The following CSMD1 variants were observed in gnomAD, a reference collection of about 807,000 sequenced individuals.
CSMD1 encodes the protein CUB and sushi domain-containing protein 1.
In CSMD1, 213 loss-of-function variants were observed where a neutral mutation model predicts 417.5. The observed-to-expected ratio is 0.51, with a 90% CI of 0.46 to 0.57. CSMD1 has a LOEUF of 0.57. CSMD1 is among the 20% of genes least tolerant of loss of function. The pLI is 0.00. For missense variants in CSMD1, 6,923 were observed against 4,529.7 expected (o/e 1.53, Z -15.17); for synonymous variants, 2,862 against 1,736.8 (o/e 1.65, Z -16.11).
At chr8:3,511,585 C>T (rs368049805) in intron 10 of CSMD1, among the ~76,000 whole-genome samples, 1 of 151,304 alleles carries the variant, frequency 6.6e-6, no homozygotes, top group East Asian at 1.9e-4. Flanking sequence ...TGAAACCCCT[C>T]TCTACTAAAA....
intron 5 of CSMD1, among the ~76,000 whole-genome samples, chr8:3,897,793 G>T (rs1389711549): frequency 1.3e-5 from 2 of 152,082 alleles, no homozygotes; most frequent in African/African-American, 2.4e-5. Flanking sequence ...GCCCAGATGG[G>T]CTATTTGCTT....
chr8:4,275,826 G>C (rs1034487583), intron 3 of CSMD1, among the ~76,000 whole-genome samples: 7 of 152,138 alleles, frequency 4.6e-5, no homozygotes, highest in African/African-American at 1.4e-4. Flanking sequence ...ACTAATGAAA[G>C]TGATATTGTT....
At chr8:4,410,147 G>C (rs1453789685) in intron 3 of CSMD1, among the ~76,000 whole-genome samples, 1 of 152,110 alleles carries the variant, frequency 6.6e-6, no homozygotes, top group Non-Finnish European at 1.5e-5. Context: ...CATCTTCTAG[G>C]CTAATCTAGG....
chr8:4,335,800 C>T (rs188833280), intron 3 of CSMD1, among the ~76,000 whole-genome samples: 1 of 152,022 alleles, frequency 6.6e-6, no homozygotes, highest in Non-Finnish European at 1.5e-5. Context: ...TACCTGTGAT[C>T]CCATGGAAGA....
chr8:4,032,030 T>G lies in CSMD1; in HGVS notation c.485A>C (p.Asn162Thr). Residue 162 changes from asparagine to threonine, a missense_variant, in exon 4 of 70, where the codon AAC (asparagine) becomes ACC (threonine). Asn to Thr is a moderately conservative substitution (Grantham distance 65). Coordinates refer to ENST00000635120, the MANE Select transcript of CSMD1 (RefSeq NM_033225.6). ...LKGVLHGTRF[N>T]IGDKIRYSCL... ...GCTGTACCGGATTTTGTCTCCTATG[T>G]TGAATCTCGTTCCATGCAGAACTCC... The G allele has an allele frequency of 6.2e-7, 1 of 1,614,002 alleles. No individual in the cohort carries two copies. The highest frequency in any genetic ancestry group is 1.7e-5 in the Admixed American group (1 of 60,026).
chr8:3,967,737 C>T (rs182077432), intron 5 of CSMD1, among the ~76,000 whole-genome samples: 31 of 152,116 alleles, frequency 2.0e-4, no homozygotes, highest in Admixed American at 1.8e-3. Flanking sequence ...CCAACAAAGG[C>T]CAAGAAGAAA....
intron 1 of CSMD1, among the ~76,000 whole-genome samples, chr8:4,976,168 A>G (rs1229942626): frequency 6.6e-6 from 1 of 152,196 alleles, no homozygotes; most frequent in African/African-American, 2.4e-5. Context: ...GGGAGCAGAG[A>G]GACAAGGGCT....
At chr8:4,892,879 G>C (rs1250535459) in intron 1 of CSMD1, among the ~76,000 whole-genome samples, 1 of 152,068 alleles carries the variant, frequency 6.6e-6, no homozygotes, top group East Asian at 1.9e-4. Flanking sequence ...AGAGGCATTA[G>C]ACTGTTTTCC....
In CSMD1 at chr8:4,319,744, G is replaced by T. The variant is rs563789695; in HGVS notation, c.415+100209C>A. On this transcript the variant is annotated intron_variant, in intron 3 of 69. Transcript: ENST00000635120. ...GGAAAAAGAACTGAGACTTGCCGGG[G>T]GGCCAAAGGCTGCTAGAGTTGCCGG... is the stretch of plus-strand genomic sequence containing the variant. 1.4e-3 allele frequency among the ~76,000 whole-genome samples: 207 copies of T among 152,164 alleles called. 2 individuals carry two copies. The highest frequency in any genetic ancestry group is 4.8e-3 in the African/African-American group (198 of 41,528).
chr8:4,074,586 A>C (rs1262444151), intron 3 of CSMD1, among the ~76,000 whole-genome samples: 2 of 152,154 alleles, frequency 1.3e-5, no homozygotes, highest in Non-Finnish European at 2.9e-5. Context: ...AAATTATTCT[A>C]CCACAAATCA....
intron 16 of CSMD1, among the ~76,000 whole-genome samples, chr8:3,397,963 T>C (rs1223786187): frequency 6.6e-6 from 1 of 152,204 alleles, no homozygotes. Context: ...AAGAGCTGTG[T>C]ACTATGTCTA....
intron 1 of CSMD1, among the ~76,000 whole-genome samples, chr8:4,901,818 G>T (rs1469144206): frequency 2.0e-5 from 3 of 152,016 alleles, no homozygotes; most frequent in Admixed American, 6.6e-5. Flanking sequence ...TATTCTCAAA[G>T]AAATAAGATA....
intron 12 of CSMD1, among the ~76,000 whole-genome samples, chr8:3,434,367 T>A (rs1359427874): frequency 2.0e-5 from 3 of 152,328 alleles, no homozygotes; most frequent in Non-Finnish European, 1.5e-5. Flanking sequence ...GGTGATTTTA[T>A]GACTTTTCCA....
intron 20 of CSMD1, among the ~76,000 whole-genome samples, chr8:3,366,210 G>A (rs1218692103): frequency 2.0e-5 from 3 of 152,192 alleles, no homozygotes; most frequent in Non-Finnish European, 2.9e-5. Flanking sequence ...TCCTTTGGCA[G>A]CTGTAGTGCA....
intron 1 of CSMD1, among the ~76,000 whole-genome samples, chr8:4,868,015 C>T (rs565417704): frequency 6.6e-6 from 1 of 152,060 alleles, no homozygotes; most frequent in Admixed American, 6.5e-5. Context: ...CTGCTAAATG[C>T]GGAAATGGCT....
At chr8:3,250,243 GT>G (rs1191496828) in intron 26 of CSMD1, among the ~76,000 whole-genome samples, 1 of 152,084 alleles carries the variant, frequency 6.6e-6, no homozygotes, top group Non-Finnish European at 1.5e-5. Flanking sequence ...AGTGTGTGAT[GT>G]TTCCCTTCCT....
rs138855163 is a variant in CSMD1, at chr8:4,433,361, C to A, written c.303-13296G>T. Among the ~76,000 whole-genome samples, 492 of 152,226 alleles carry A rather than the reference C, an allele frequency of 3.2e-3. 3 individuals are homozygous for A. The highest frequency in any genetic ancestry group is 0.011 in the African/African-American group (463 of 41,530). On this transcript the variant is annotated intron_variant, in intron 2 of 69. Transcript: ENST00000635120. The stretch of plus-strand genomic sequence containing the variant: ...TTGGGGACTGCTATTATATACAACT[C>A]ATAATATCATGGACATGACATCATT...
intron 5 of CSMD1, among the ~76,000 whole-genome samples, chr8:3,851,938 T>C (rs1374380771): frequency 6.6e-6 from 1 of 151,936 alleles, no homozygotes; most frequent in Non-Finnish European, 1.5e-5. Context: ...CATTGAAGAA[T>C]ATGTGAGCTA....
intron 9 of CSMD1, among the ~76,000 whole-genome samples, chr8:3,583,131 G>A (rs934585901): frequency 2.0e-5 from 3 of 151,978 alleles, no homozygotes; most frequent in African/African-American, 7.2e-5. Flanking sequence ...CTTCCTAACA[G>A]CCTGTCTTTC....
Sources: allele counts gnomAD v4.1 joint callset (sites outside exome capture counted in the v4.1 genomes callset), GRCh38; gene constraint gnomAD v4.1.1; transcripts MANE v1.5; gene names NCBI Gene and HGNC (gene_info 2026-07-23, HGNC 2026-07-21).